Variants in PARM1 observed in about 807,000 individuals in gnomAD.
The protein encoded by PARM1 is prostate androgen-regulated mucin-like protein 1.
Under a neutral mutation model 24.6 loss-of-function variants are expected in PARM1, and 14 were observed. That is an observed-to-expected ratio of 0.57 (90% CI 0.38 to 0.89). The LOEUF is 0.89. Among genes scored for constraint, PARM1 ranks in the 40% least tolerant of loss-of-function variants. The pLI is 0.00. For synonymous variants in PARM1, 179 were observed against 156.6 expected (o/e 1.14, Z -1.07); for missense variants, 362 against 380.4 (o/e 0.95, Z 0.40).
At chr4:74,980,351 G>A (rs752728559) in intron 1 of PARM1, among the ~76,000 whole-genome samples, 1 of 152,058 alleles carries the variant, frequency 6.6e-6, no homozygotes. Flanking sequence ...AATCATGAAC[G>A]AACTTCTATT....
chr4:74,999,156 A>G (rs1722631786), intron 1 of PARM1: 1 of 152,258 alleles, frequency 6.6e-6, no homozygotes, highest in Non-Finnish European at 1.5e-5. Flanking sequence ...AACCAACTTC[A>G]TTCTCATTTA....
chr4:74,984,530 TGA>T (rs1240867922), intron 1 of PARM1, among the ~76,000 whole-genome samples: 1 of 151,964 alleles, frequency 6.6e-6, no homozygotes, highest in Non-Finnish European at 1.5e-5. Context: ...CTTAAAGGAG[TGA>T]GAATAGCTAG....
At position 75,013,163 on chromosome 4, in the gene PARM1, C is replaced by G. The variant is rs919052; in HGVS notation, c.769+13C>G. On this transcript the variant is annotated intron_variant, in intron 2 of 3. Transcript: ENST00000307428. ...GCATTAAGTTCAGGTGAGTCTCTAT[C>G]CAGTCCACTAGTTTTCTTTACTACA... 0.49 allele frequency: 787,371 copies of G among 1,599,484 alleles called. 197,729 individuals carry two copies. Among genetic ancestry groups the G allele is most frequent in the South Asian group, 0.52 (45,981 of 88,914 alleles).
intron 1 of PARM1, chr4:74,997,825 T>A (rs1484339639): frequency 6.6e-6 from 1 of 152,144 alleles, no homozygotes; most frequent in Non-Finnish European, 1.5e-5. Flanking sequence ...TAAAAAGTGG[T>A]TTATAAGGTT....
intron 1 of PARM1, among the ~76,000 whole-genome samples, chr4:74,984,652 A>C (rs1239006463): frequency 6.6e-6 from 1 of 152,232 alleles, no homozygotes; most frequent in Non-Finnish European, 1.5e-5. Flanking sequence ...AAAAAGCATT[A>C]AGTGTAAGAA....
chr4:74,979,184 G>C (rs1474784299), intron 1 of PARM1, among the ~76,000 whole-genome samples: 1 of 151,098 alleles, frequency 6.6e-6, no homozygotes, highest in African/African-American at 2.5e-5. Flanking sequence ...GAATCCAGGA[G>C]CTGTTCTTTT....
chr4:75,006,820 A>C (rs964304197), intron 1 of PARM1, among the ~76,000 whole-genome samples: 11 of 152,248 alleles, frequency 7.2e-5, no homozygotes, highest in Non-Finnish European at 1.5e-4. Flanking sequence ...AGGGGCAAGA[A>C]CTTCATGACT....
At chr4:75,046,092 C>T in intron 3 of PARM1, 71 bp from the exon 4 acceptor site, 1 of 935,628 alleles carries the variant, frequency 1.1e-6, no homozygotes, top group Non-Finnish European at 1.7e-6. Context: ...CAGTTCAGTG[C>T]AGGGCATTAC....
At chr4:74,950,143 G>A (rs1721494130) in intron 1 of PARM1, among the ~76,000 whole-genome samples, 1 of 152,136 alleles carries the variant, frequency 6.6e-6, no homozygotes, top group South Asian at 2.1e-4. Flanking sequence ...ATGCCAACTT[G>A]CCAAGCTTTG....
chr4:75,010,044 T>C (rs1722843119), intron 1 of PARM1, among the ~76,000 whole-genome samples: 1 of 152,190 alleles, frequency 6.6e-6, no homozygotes, highest in Admixed American at 6.5e-5. Flanking sequence ...CAAACAGATA[T>C]TTGTTCACCC....
intron 1 of PARM1, among the ~76,000 whole-genome samples, chr4:75,007,438 C>T (rs924188372): frequency 5.9e-5 from 9 of 152,280 alleles, no homozygotes; most frequent in African/African-American, 2.2e-4. Context: ...CTAGTTCTGA[C>T]TCTGTTGCTG....
intron 3 of PARM1, among the ~76,000 whole-genome samples, chr4:75,044,046 C>A (rs201678841): frequency 2.2e-3 from 297 of 135,636 alleles, no homozygotes; most frequent in East Asian, 3.1e-3. Flanking sequence ...TAGTTCTTTG[C>A]AAAAAAAAAA....
chr4:74,941,252 A>G (rs530929881), intron 1 of PARM1, among the ~76,000 whole-genome samples: 2 of 152,352 alleles, frequency 1.3e-5, no homozygotes, highest in South Asian at 4.1e-4. Context: ...ACCTATTCAG[A>G]TAGGTCAGAG....
chr4:74,985,735 TGA>T (rs369345720), intron 1 of PARM1, among the ~76,000 whole-genome samples: 226 of 152,266 alleles, frequency 1.5e-3, no homozygotes, highest in African/African-American at 5.3e-3. Flanking sequence ...ATTATGTATC[TGA>T]GAGAATAATT....
chr4:75,039,998 T>C (rs1179109496), intron 3 of PARM1, among the ~76,000 whole-genome samples: 1 of 152,230 alleles, frequency 6.6e-6, no homozygotes, highest in Admixed American at 6.5e-5. Context: ...TACCATGTGC[T>C]TCCCTGTACT....
At position 75,047,087 on chromosome 4, in the gene PARM1, A is replaced by T. The variant is rs976812832; in HGVS notation, c.*840A>T. The T allele has an allele frequency of 6.5e-6, 1 of 152,836 alleles. No individual in the cohort carries two copies. Among genetic ancestry groups the T allele is most frequent in the Non-Finnish European group, 1.5e-5 (1 of 68,464 alleles). 9.5% of individuals were successfully genotyped at this position (152,836 alleles called of 1,614,324 possible). On this transcript the variant is annotated 3_prime_UTR_variant, in exon 4 of 4. Coordinates refer to ENST00000307428, the MANE Select transcript of PARM1 (RefSeq NM_015393.4). Reference sequence around the variant, plus strand: ...GGCATGTACGGTGTGGGGAAGTGGAAGAGAAGCTGGCGGGGGAGAAGGAGG... The same window carrying T: ...GGCATGTACGGTGTGGGGAAGTGGATGAGAAGCTGGCGGGGGAGAAGGAGG...
Position 74,970,700 on chromosome 4 carries a change from A to C in PARM1, c.43+37330A>C, listed in dbSNP as rs186606856. 3.0e-3 allele frequency among the ~76,000 whole-genome samples: 458 copies of C among 152,330 alleles called. 8 individuals carry two copies. The highest frequency in any genetic ancestry group is 0.027 in the Admixed American group (411 of 15,302). ...CTCTTACCCTGGTAAATGTCTACCCAGGCTGCTTCCAGCCTGCCTGCATGT... is the reference window on the plus strand; with the variant it reads ...CTCTTACCCTGGTAAATGTCTACCCCGGCTGCTTCCAGCCTGCCTGCATGT... On this transcript the variant is annotated intron_variant, in intron 1 of 3. Transcript: ENST00000307428.
At chr4:75,012,383 T>C (rs771307587) in intron 1 of PARM1, 42 bp from the exon 2 acceptor site, 1 of 1,591,188 alleles carries the variant, frequency 6.3e-7, no homozygotes, top group Non-Finnish European at 8.6e-7. Flanking sequence ...CATATTACCG[T>C]GTTTTCACAT....
intron 2 of PARM1, among the ~76,000 whole-genome samples, chr4:75,026,745 T>C (rs1222582859): frequency 6.6e-6 from 1 of 152,188 alleles, no homozygotes; most frequent in African/African-American, 2.4e-5. Flanking sequence ...TTTTGTCACT[T>C]AGTCAGTCCT....
Sources: allele counts gnomAD v4.1 joint callset (sites outside exome capture counted in the v4.1 genomes callset), GRCh38; gene constraint gnomAD v4.1.1; transcripts MANE v1.5; gene names NCBI Gene and HGNC (gene_info 2026-07-23, HGNC 2026-07-21).